Variants in MIB1 observed in about 807,000 individuals in gnomAD.
The protein encoded by MIB1 is MIB E3 ubiquitin protein ligase 1.
MIB1 carries 278 observed loss-of-function variants against 124.5 expected under a neutral mutation model. The ratio of observed to expected loss-of-function variants is 2.23; its 90% CI spans 2.02 to 2.47. The LOEUF (loss-of-function observed/expected upper bound fraction) is 2.47. MIB1 is among the 30% of genes most tolerant of loss of function. The pLI is 0.00. For missense variants in MIB1, 957 were observed against 1,254.4 expected, an observed-to-expected ratio of 0.76 and a Z score of 3.58; for synonymous variants, 446 against 429.4, an observed-to-expected ratio of 1.04 and a Z score of -0.48.
At chr18:21,754,663 A>G (rs1035152994) in intron 1 of MIB1, among the ~76,000 whole-genome samples, 12 of 152,186 alleles carry the variant, frequency 7.9e-5, no homozygotes, top group Non-Finnish European at 1.3e-4. Context: ...AAAAAATCCT[A>G]TGCTGAGGAT....
At chr18:21,737,985 A>G (rs1392087229), upstream of MIB1, among the ~76,000 whole-genome samples, 1 of 152,144 alleles carries the variant, frequency 6.6e-6, no homozygotes, top group East Asian at 1.9e-4. Flanking sequence ...CAAAATTAAC[A>G]AGGATATCCA....
intron 8 of MIB1, among the ~76,000 whole-genome samples, chr18:21,799,182 C>T (rs544245834): frequency 6.6e-6 from 1 of 151,966 alleles, no homozygotes; most frequent in Non-Finnish European, 1.5e-5. Flanking sequence ...ATAAGTACCC[C>T]AAGAATTAAG....
At chr18:21,768,865 T>C in intron 3 of MIB1, 113 bp downstream of exon 3, 1 of 920,596 alleles carries the variant, frequency 1.1e-6, no homozygotes, top group Non-Finnish European at 1.5e-6. Context: ...CCAGTAACAG[T>C]TTTTAAAATC....
rs541257546 is a variant in MIB1, at chr18:21,870,783, T to C, written c.*6117T>C. 3.3e-5 allele frequency: 5 copies of C among 152,284 alleles called. No homozygotes were observed. In the East Asian group the frequency reaches 5.8e-4, roughly 18 times the overall value. The allele number at this position is 152,284 out of a possible 1,614,324, so 9.4% of individuals were successfully genotyped here. On this transcript the variant is annotated 3_prime_UTR_variant, in exon 21 of 21. Coordinates refer to ENST00000261537, the MANE Select transcript of MIB1 (RefSeq NM_020774.4). ...AAAACATCTGAAAAAATATCTTTTGTTTATTTGAAAAAAGCATATATATTC... is the reference window on the plus strand; with the variant it reads ...AAAACATCTGAAAAAATATCTTTTGCTTATTTGAAAAAAGCATATATATTC...
intron 1 of MIB1, among the ~76,000 whole-genome samples, chr18:21,743,436 G>A (rs1249507990): frequency 6.6e-6 from 1 of 152,160 alleles, no homozygotes; most frequent in Non-Finnish European, 1.5e-5. Context: ...TCTTTACAAT[G>A]ATGCAGTGAA....
chr18:21,792,494 A>G (rs2146444317), intron 7 of MIB1, among the ~76,000 whole-genome samples: 1 of 152,062 alleles, frequency 6.6e-6, no homozygotes, highest in South Asian at 2.1e-4. Context: ...ACCCTCCATT[A>G]GCCCTTCTGT....
chr18:21,784,516 G>A (rs1441138338), intron 6 of MIB1, among the ~76,000 whole-genome samples: 1 of 152,088 alleles, frequency 6.6e-6, no homozygotes, highest in African/African-American at 2.4e-5. Context: ...AATAAGAATA[G>A]TTATAATAGT....
chr18:21,790,518 G>A (rs2041490009), intron 6 of MIB1, among the ~76,000 whole-genome samples: 1 of 152,014 alleles, frequency 6.6e-6, no homozygotes, highest in African/African-American at 2.4e-5. Context: ...CTTCCAAGAT[G>A]CATTCTTTGA....
At chr18:21,793,196 TC>T (rs1288432131) in intron 7 of MIB1, among the ~76,000 whole-genome samples, 1 of 152,174 alleles carries the variant, frequency 6.6e-6, no homozygotes, top group Non-Finnish European at 1.5e-5. Context: ...CTGAGAGAGT[TC>T]CTGAAGACTC....
At chr18:21,728,717 T>C (rs1275610939) in intron 1 of MIB1, among the ~76,000 whole-genome samples, 1 of 152,198 alleles carries the variant, frequency 6.6e-6, no homozygotes, top group East Asian at 1.9e-4. Flanking sequence ...CAGTGTGATA[T>C]TTAGATACAT....
At chr18:21,714,927 G>A (rs769557637) in intron 1 of MIB1, among the ~76,000 whole-genome samples, 27 of 152,224 alleles carry the variant, frequency 1.8e-4, no homozygotes, top group Non-Finnish European at 3.5e-4. Flanking sequence ...TGAAAAGGCA[G>A]TAAATTGGGG....
At position 21,742,482 on chromosome 18, in the gene MIB1, C is replaced by G. The variant is rs901521279; in HGVS notation, c.229+670C>G. 2.0e-5 allele frequency among the ~76,000 whole-genome samples: 3 copies of G among 152,088 alleles called. No individual in the cohort carries two copies. In the South Asian group the frequency reaches 6.2e-4, roughly 32 times the overall value. ...AAGTGGCAGATCGGCGTGGGGGACA[C>G]CTGATGTTATTTTTTGTTACACTAA... On this transcript the variant is annotated intron_variant, in intron 1 of 20. Coordinates refer to ENST00000261537, the MANE Select transcript of MIB1 (RefSeq NM_020774.4).
At chr18:21,790,797 A>G (rs1260241637) in intron 6 of MIB1, among the ~76,000 whole-genome samples, 2 of 152,250 alleles carry the variant, frequency 1.3e-5, no homozygotes, top group African/African-American at 4.8e-5. Flanking sequence ...TACTTTTATA[A>G]CAGTTTTGAA....
chr18:21,740,122 C>A (rs891245934), upstream of MIB1, among the ~76,000 whole-genome samples: 1 of 152,146 alleles, frequency 6.6e-6, no homozygotes, highest in Non-Finnish European at 1.5e-5. Context: ...ACAGTGCTGG[C>A]CTGTGGAAAC....
chr18:21,820,525 C>T (rs978311353), intron 12 of MIB1, among the ~76,000 whole-genome samples: 3 of 152,184 alleles, frequency 2.0e-5, no homozygotes, highest in African/African-American at 7.2e-5. Context: ...GTAACTGTAA[C>T]AGTGGGTATA....
At chr18:21,827,003 A>G (rs1292653153) in intron 12 of MIB1, 1 of 152,140 alleles carries the variant, frequency 6.6e-6, no homozygotes, top group Admixed American at 6.6e-5. Context: ...TACTAGTTAT[A>G]TGGGAGCTGT....
At position 21,838,416 on chromosome 18, in the gene MIB1, GAAGA is replaced by G. The variant is rs1568221760; in HGVS notation, c.1886_1889del (p.Lys629MetfsTer16). On this transcript the variant is annotated frameshift_variant, in exon 13 of 21. Coordinates refer to ENST00000261537, the MANE Select transcript of MIB1 (RefSeq NM_020774.4). LOFTEE classifies it high-confidence loss of function. ...TACCAAGACCATGGATTGTGGATGA[GAAGA>G]AAGATGATGGTTATACTGCCTTACA... 6.2e-7 allele frequency: 1 copy of G among 1,610,160 alleles called. No homozygotes were observed. The highest frequency in any genetic ancestry group is 2.2e-5 in the East Asian group (1 of 44,810).
intron 1 of MIB1, among the ~76,000 whole-genome samples, chr18:21,724,724 AAAAATATATATAT>A (rs1314132781): frequency 1.3e-4 from 8 of 61,360 alleles, no homozygotes; most frequent in African/African-American, 3.9e-4. Context: ...AAAAAAAAAA[AAAAATATATATAT>A]ATATATATAT....
chr18:21,863,316 A>G (rs962829246), intron 20 of MIB1, among the ~76,000 whole-genome samples: 2 of 152,228 alleles, frequency 1.3e-5, no homozygotes, highest in Non-Finnish European at 1.5e-5. Context: ...AGTGAGGGCA[A>G]AGGGCCAGTG....
Sources: allele counts gnomAD v4.1 joint callset (sites outside exome capture counted in the v4.1 genomes callset), GRCh38; gene constraint gnomAD v4.1.1; transcripts MANE v1.5; gene names NCBI Gene and HGNC (gene_info 2026-07-23, HGNC 2026-07-21).